Variants in DENND2B observed in about 807,000 individuals in gnomAD.
DENND2B encodes the protein DENN domain-containing protein 2B.
A neutral mutation model predicts 116.0 loss-of-function variants in DENND2B; 32 were observed. The ratio of observed to expected loss-of-function variants is 0.28; its 90% CI spans 0.21 to 0.37. The LOEUF is 0.37. DENND2B is among the 10% of genes least tolerant of loss of function. The probability of loss-of-function intolerance (pLI) is 1.00; values close to 1 mark genes in which losing one functional copy is unlikely to be tolerated. For missense variants in DENND2B, 1,276 were observed against 1,477.7 expected, an observed-to-expected ratio of 0.86 and a Z score of 2.24; for synonymous variants, 588 against 583.9, an observed-to-expected ratio of 1.01 and a Z score of -0.10.
At chr11:8,862,098 T>C (rs1323573252) in intron 2 of DENND2B, among the ~76,000 whole-genome samples, 1 of 152,098 alleles carries the variant, frequency 6.6e-6, no homozygotes, top group African/African-American at 2.4e-5. Context: ...CCATGTACAC[T>C]ACTCAGGTGA....
intron 1 of DENND2B, among the ~76,000 whole-genome samples, chr11:8,795,208 G>A (rs2059712718): frequency 6.6e-6 from 1 of 152,234 alleles, no homozygotes; most frequent in East Asian, 1.9e-4. Flanking sequence ...GAGTCATTGA[G>A]AGCATGGACC....
In DENND2B at chr11:8,699,194, G is replaced by T; in HGVS notation, c.2898+19C>A. ...TCCCCCTCCACCCTTCCCCCCAGCT[G>T]GTTCCCCCGGTGGCCCACCTCCTCC... On this transcript the variant is annotated intron_variant, in intron 15 of 19. Transcript: ENST00000313726. 6.5e-7 allele frequency: 1 copy of T among 1,543,360 alleles called. No individual in the cohort carries two copies. Among genetic ancestry groups the T allele is most frequent in the Non-Finnish European group, 8.7e-7 (1 of 1,150,460 alleles).
intron 1 of DENND2B, among the ~76,000 whole-genome samples, chr11:8,799,621 G>GCA (rs2060144102): frequency 6.4e-5 from 9 of 141,654 alleles, no homozygotes; most frequent in African/African-American, 2.1e-4. Context: ...AGGCTGGAGT[G>GCA]CAGTGTGTAT....
At chr11:8,745,546 A>G (rs2051083579) in intron 2 of DENND2B, among the ~76,000 whole-genome samples, 1 of 152,192 alleles carries the variant, frequency 6.6e-6, no homozygotes, top group African/African-American at 2.4e-5. Flanking sequence ...CCCATTCCAC[A>G]TACCTTCTTA....
chr11:8,782,973 C>T (rs941415841), intron 1 of DENND2B, among the ~76,000 whole-genome samples: 7 of 150,128 alleles, frequency 4.7e-5, no homozygotes, highest in Non-Finnish European at 7.4e-5. Context: ...TTAGAAACTT[C>T]TAGCAATAAC....
intron 1 of DENND2B, among the ~76,000 whole-genome samples, chr11:8,801,557 A>G (rs2060313376): frequency 6.6e-6 from 1 of 151,784 alleles, no homozygotes; most frequent in South Asian, 2.1e-4. Context: ...TGCACCTATA[A>G]TCTCAGCTAC....
chr11:8,817,710 C>A (rs1021759646), intron 4 of DENND2B, among the ~76,000 whole-genome samples: 2 of 152,132 alleles, frequency 1.3e-5, no homozygotes. Context: ...CACAACCCTC[C>A]GTATAAAGCT....
At chr11:8,786,588 T>A (rs1361976869) in intron 1 of DENND2B, among the ~76,000 whole-genome samples, 1 of 151,820 alleles carries the variant, frequency 6.6e-6, no homozygotes, top group African/African-American at 2.4e-5. Flanking sequence ...AGGCGGGAGG[T>A]CTCTTGAAAC....
At chr11:8,910,611 A>G (rs1042643372) in intron 1 of DENND2B, among the ~76,000 whole-genome samples, 22 of 140,630 alleles carry the variant, frequency 1.6e-4, no homozygotes, top group African/African-American at 5.4e-4. Context: ...CCTAGCTGGT[A>G]CCCCATAACC....
At chr11:8,867,562 T>A (rs1402728047) in intron 2 of DENND2B, among the ~76,000 whole-genome samples, 1 of 148,104 alleles carries the variant, frequency 6.8e-6, no homozygotes, top group East Asian at 2.0e-4. Context: ...GTACCAAGTT[T>A]TAAAATTCAG....
At chr11:8,899,003 A>G (rs977629357) in intron 1 of DENND2B, among the ~76,000 whole-genome samples, 1 of 152,206 alleles carries the variant, frequency 6.6e-6, no homozygotes, top group Admixed American at 6.5e-5. Flanking sequence ...ACAATATAGA[A>G]TATCAATAAA....
At chr11:8,767,751 C>A (rs1365297651) in intron 1 of DENND2B, among the ~76,000 whole-genome samples, 3 of 151,626 alleles carry the variant, frequency 2.0e-5, no homozygotes, top group Non-Finnish European at 4.4e-5. Flanking sequence ...ATTAGTCTAC[C>A]CCCTCGCCTT....
chr11:8,723,186 G>A (rs994589477), intron 4 of DENND2B, among the ~76,000 whole-genome samples: 4 of 152,126 alleles, frequency 2.6e-5, no homozygotes, highest in Non-Finnish European at 5.9e-5. Context: ...GGCTGCTGCC[G>A]TGGGCAGAGA....
intron 18 of DENND2B, 131 bp downstream of exon 18, chr11:8,696,296 C>G (rs945191596): frequency 9.5e-6 from 13 of 1,369,268 alleles, no homozygotes; most frequent in Non-Finnish European, 1.3e-5. Flanking sequence ...CTTGAAGTTT[C>G]TAACAGAGGT....
intron 1 of DENND2B, among the ~76,000 whole-genome samples, chr11:8,884,494 G>C (rs2063938649): frequency 6.6e-6 from 1 of 152,108 alleles, no homozygotes; most frequent in Non-Finnish European, 1.5e-5. Context: ...ATCTGATTTA[G>C]ATTTCCTATT....
chr11:8,809,906 A>G (rs2061236341), intron 1 of DENND2B: 1 of 147,290 alleles, frequency 6.8e-6, no homozygotes, highest in Non-Finnish European at 1.5e-5. Context: ...ATGTGGGAGG[A>G]CAGCTTGATT....
At chr11:8,708,035 G>C in intron 11 of DENND2B, 181 bp from the exon 12 acceptor site, 1 of 1,520,110 alleles carries the variant, frequency 6.6e-7, no homozygotes, top group Non-Finnish European at 8.8e-7. Context: ...CCACTCTCAG[G>C]ACAGGCCTCA....
At chr11:8,817,749 C>G (rs1308242282) in intron 4 of DENND2B, among the ~76,000 whole-genome samples, 2 of 152,180 alleles carry the variant, frequency 1.3e-5, no homozygotes, top group Non-Finnish European at 2.9e-5. Flanking sequence ...AACATAGGTA[C>G]TCACAGCTTG....
At chr11:8,724,077 T>C (rs1381508053) in intron 4 of DENND2B, among the ~76,000 whole-genome samples, 1 of 152,190 alleles carries the variant, frequency 6.6e-6, no homozygotes, top group East Asian at 1.9e-4. Context: ...AGGCGGATCA[T>C]GAAGCCAGGA....
Sources: allele counts gnomAD v4.1 joint callset (sites outside exome capture counted in the v4.1 genomes callset), GRCh38; gene constraint gnomAD v4.1.1; transcripts MANE v1.5; gene names NCBI Gene and HGNC (gene_info 2026-07-23, HGNC 2026-07-21).